NOS1AP: variants seen among roughly 807,000 people sequenced by gnomAD.
NOS1AP encodes the protein carboxyl-terminal PDZ ligand of neuronal nitric oxide synthase protein.
A neutral mutation model predicts 56.2 loss-of-function variants in NOS1AP; 21 were observed. The ratio of observed to expected loss-of-function variants is 0.37; its 90% CI spans 0.26 to 0.54. NOS1AP has a LOEUF of 0.54. Ranked by LOEUF, NOS1AP falls within the 20% of genes least tolerant of loss-of-function variation. The pLI is 0.84. For synonymous variants in NOS1AP, 270 were observed against 274.6 expected, an observed-to-expected ratio of 0.98 and a Z score of 0.17; for missense variants, 522 against 657.8, an observed-to-expected ratio of 0.79 and a Z score of 2.26.
intron 2 of NOS1AP, among the ~76,000 whole-genome samples, chr1:162,197,896 G>T (rs751985351): frequency 2.4e-4 from 36 of 152,260 alleles, no homozygotes; most frequent in Non-Finnish European, 7.3e-5. Flanking sequence ...TTCCCCGCTG[G>T]CCTGCTGTTC....
intron 4 of NOS1AP, among the ~76,000 whole-genome samples, chr1:162,316,584 G>A (rs1419890311): frequency 1.3e-5 from 2 of 152,230 alleles, no homozygotes; most frequent in Admixed American, 1.3e-4. Context: ...TGAGCAACAT[G>A]GCTGTTTATT....
rs954921986 is a variant in NOS1AP, at chr1:162,069,720, C to G, written c.-458C>G. On this transcript the variant is annotated 5_prime_UTR_variant, in exon 1 of 10. In the 5' UTR this introduces an upstream ATG that the reference lacks. Coordinates refer to ENST00000361897, the MANE Select transcript of NOS1AP (RefSeq NM_014697.3). ...GAGGAGCCGCTCGCTGGCGGCTGATCCAGCGTCTCCGTGACAGGCACCCTG... is the reference window on the plus strand; with the variant it reads ...GAGGAGCCGCTCGCTGGCGGCTGATGCAGCGTCTCCGTGACAGGCACCCTG... The G allele has an allele frequency of 5.2e-5, 8 of 153,094 alleles. No individual in the cohort carries two copies. Among genetic ancestry groups the G allele is most frequent in the African/African-American group, 1.9e-4 (8 of 41,388 alleles). 9.5% of individuals were successfully genotyped at this position (153,094 alleles called of 1,614,324 possible).
intron 2 of NOS1AP, among the ~76,000 whole-genome samples, chr1:162,160,057 C>T (rs1490093561): frequency 6.6e-6 from 1 of 152,166 alleles, no homozygotes; most frequent in African/African-American, 2.4e-5. Flanking sequence ...GTGGTGCAGC[C>T]TCTGGTGGCC....
chr1:162,353,445 G>A (rs926009792), intron 6 of NOS1AP, among the ~76,000 whole-genome samples: 9 of 152,150 alleles, frequency 5.9e-5, no homozygotes, highest in African/African-American at 2.2e-4. Context: ...CTCTGTGTCT[G>A]GGGCTTCTTA....
intron 5 of NOS1AP, among the ~76,000 whole-genome samples, chr1:162,337,244 C>A (rs750402893): frequency 6.6e-6 from 1 of 152,170 alleles, no homozygotes; most frequent in Non-Finnish European, 1.5e-5. Context: ...TGGGCAGCTC[C>A]TTGAAATAAT....
chr1:162,306,170 C>T (rs1655819182), intron 4 of NOS1AP, among the ~76,000 whole-genome samples: 1 of 152,156 alleles, frequency 6.6e-6, no homozygotes, highest in Admixed American at 6.5e-5. Context: ...GGAAGCCAGC[C>T]ACATCCATGT....
chr1:162,144,499 A>G (rs1649371105), intron 1 of NOS1AP, among the ~76,000 whole-genome samples: 1 of 152,192 alleles, frequency 6.6e-6, no homozygotes, highest in South Asian at 2.1e-4. Flanking sequence ...TTTACCTGAT[A>G]CAGGTGATGA....
intron 2 of NOS1AP, among the ~76,000 whole-genome samples, chr1:162,172,093 C>A (rs1169719450): frequency 6.6e-6 from 1 of 152,082 alleles, no homozygotes; most frequent in Non-Finnish European, 1.5e-5. Context: ...CTCAGCCTAC[C>A]CACTATCTTT....
intron 8 of NOS1AP, chr1:162,360,479 A>G: frequency 3.8e-6 from 1 of 261,390 alleles, no homozygotes; most frequent in South Asian, 4.2e-5. Flanking sequence ...GCAAGTGTTA[A>G]GTAGGCCAGG....
chr1:162,270,239 C>T (rs1400362550), intron 2 of NOS1AP, among the ~76,000 whole-genome samples: 1 of 152,098 alleles, frequency 6.6e-6, no homozygotes, highest in Non-Finnish European at 1.5e-5. Flanking sequence ...TTGCTTCCTC[C>T]CTGAGTTACA....
At chr1:162,232,212 A>G (rs1338953448) in intron 2 of NOS1AP, among the ~76,000 whole-genome samples, 1 of 152,204 alleles carries the variant, frequency 6.6e-6, no homozygotes, top group Non-Finnish European at 1.5e-5. Flanking sequence ...AGATCTTGCC[A>G]TTCTGAGTTT....
chr1:162,205,535 GA>G (rs1450363242), intron 2 of NOS1AP, among the ~76,000 whole-genome samples: 1 of 152,204 alleles, frequency 6.6e-6, no homozygotes, highest in African/African-American at 2.4e-5. Context: ...TTCAAAGTTA[GA>G]GTTTTCCTTC....
At chr1:162,098,488 C>T (rs754710620) in intron 1 of NOS1AP, among the ~76,000 whole-genome samples, 5 of 123,090 alleles carry the variant, frequency 4.1e-5, no homozygotes, top group South Asian at 2.3e-4. Flanking sequence ...GTACAATTAA[C>T]GGTGTCGTTT....
chr1:162,081,774 A>ATATTTTTTTTTTTTTTTTTTTTTTTTT, intron 1 of NOS1AP, among the ~76,000 whole-genome samples: 1 of 44,060 alleles, frequency 2.3e-5, no homozygotes, highest in African/African-American at 7.7e-5. Flanking sequence ...ATATATATAT[A>ATATTTTTTTTTTTTTTTTTTTTTTTTT]TTTTTTTTTT....
At chr1:162,078,551 C>T (rs928273280) in intron 1 of NOS1AP, among the ~76,000 whole-genome samples, 1 of 152,136 alleles carries the variant, frequency 6.6e-6, no homozygotes, top group Non-Finnish European at 1.5e-5. Context: ...GCTCCACCCC[C>T]TCCCCTGTTA....
At chr1:162,229,071 C>T (rs1437931640) in intron 2 of NOS1AP, among the ~76,000 whole-genome samples, 1 of 152,144 alleles carries the variant, frequency 6.6e-6, no homozygotes, top group Non-Finnish European at 1.5e-5. Context: ...TATCTTAATC[C>T]TGTGTTCAAT....
At chr1:162,365,631 T>A in intron 9 of NOS1AP, 62 bp downstream of exon 9, 1 of 1,595,298 alleles carries the variant, frequency 6.3e-7, no homozygotes, top group Non-Finnish European at 8.5e-7. Flanking sequence ...AGTGTCACTT[T>A]CCTTAAGTTT....
In NOS1AP at chr1:162,333,231, T is replaced by C. The variant is rs1012810190; in HGVS notation, c.453+106T>C. The C allele has an allele frequency of 1.9e-5, 14 of 754,098 alleles. No homozygotes were observed. The South Asian group carries it at 2.0e-4, about 11-fold the overall frequency. 46.7% of individuals were successfully genotyped at this position (754,098 alleles called of 1,614,324 possible). A position where few individuals can be genotyped will look rare whatever the true frequency, so the allele number is the denominator to read the frequency against. On this transcript the variant is annotated intron_variant, in intron 5 of 9. Coordinates refer to ENST00000361897, the MANE Select transcript of NOS1AP (RefSeq NM_014697.3). ...GAAGACAGCTGTGGTAATGCCGACATGGGGCAACTATCTCAGTCGTCTGTC... is the reference window on the plus strand; with the variant it reads ...GAAGACAGCTGTGGTAATGCCGACACGGGGCAACTATCTCAGTCGTCTGTC...
At chr1:162,254,419 C>T (rs1357875233) in intron 2 of NOS1AP, among the ~76,000 whole-genome samples, 1 of 152,070 alleles carries the variant, frequency 6.6e-6, no homozygotes, top group African/African-American at 2.4e-5. Context: ...ATGTGACTAA[C>T]CCTCCCCAGC....
Sources: allele counts gnomAD v4.1 joint callset (sites outside exome capture counted in the v4.1 genomes callset), GRCh38; gene constraint gnomAD v4.1.1; transcripts MANE v1.5; gene names NCBI Gene and HGNC (gene_info 2026-07-23, HGNC 2026-07-21).